KIAA1549L: variants seen among roughly 807,000 people sequenced by gnomAD.
The protein encoded by KIAA1549L is UPF0606 protein KIAA1549L.
Under a neutral mutation model 160.7 loss-of-function variants are expected in KIAA1549L, and 88 were observed. The ratio of observed to expected loss-of-function variants is 0.55; its 90% CI spans 0.46 to 0.65. The LOEUF (loss-of-function observed/expected upper bound fraction) is 0.65, where lower values mean the gene tolerates loss of function less well. Among genes scored for constraint, KIAA1549L ranks in the 30% least tolerant of loss-of-function variants. KIAA1549L has a pLI of 0.00. For synonymous variants in KIAA1549L, 950 were observed against 976.7 expected (o/e 0.97, Z 0.51); for missense variants, 2,258 against 2,437.5 (o/e 0.93, Z 1.55).
Position 33,522,900 on chromosome 11 carries a change from CA to C in KIAA1549L, c.239-18889del, listed in dbSNP as rs56199693. Reference sequence around the variant, plus strand: ...GGTGACAAAGTGAGATTCTCTCTCTCAAAAAAAAAAAAATATGGTCTTTACA... The same window carrying C: ...GGTGACAAAGTGAGATTCTCTCTCTCAAAAAAAAAAAATATGGTCTTTACA... On this transcript the variant is annotated intron_variant, in intron 1 of 20. Coordinates refer to ENST00000658780, the MANE Select transcript of KIAA1549L (RefSeq NM_012194.3). 4.1e-3 allele frequency among the ~76,000 whole-genome samples: 608 copies of C among 147,174 alleles called. 7 individuals carry two copies. Among genetic ancestry groups the C allele is most frequent in the African/African-American group, 0.011 (451 of 40,158 alleles).
chr11:33,606,581 C>A, intron 13 of KIAA1549L, 60 bp from the exon 14 acceptor site: 1 of 1,529,286 alleles, frequency 6.5e-7, no homozygotes, highest in Non-Finnish European at 9.0e-7. Flanking sequence ...AACATAAATT[C>A]TCCTGGGATC....
At chr11:33,407,987 A>G (rs1193793782) in intron 1 of KIAA1549L, among the ~76,000 whole-genome samples, 3 of 152,162 alleles carry the variant, frequency 2.0e-5, no homozygotes, top group Admixed American at 6.5e-5. Flanking sequence ...TCCAAGCCCA[A>G]GAAGCTCATC....
intron 1 of KIAA1549L, among the ~76,000 whole-genome samples, chr11:33,391,351 T>G (rs1173485678): frequency 6.6e-6 from 1 of 152,082 alleles, no homozygotes; most frequent in African/African-American, 2.4e-5. Flanking sequence ...GCTGTCATCA[T>G]GTCATCATGT....
chr11:33,381,468 A>G (rs1418691094), intron 1 of KIAA1549L, among the ~76,000 whole-genome samples: 2 of 152,178 alleles, frequency 1.3e-5, no homozygotes, highest in East Asian at 3.9e-4. Flanking sequence ...TTGTTTGAGG[A>G]AGAGCAGGAA....
chr11:33,598,845 G>C lies in KIAA1549L; in HGVS notation c.4777G>C (p.Val1593Leu). The change falls in exon 13 of 21, where the codon GTC becomes CTC. Residue 1593 changes from valine (V) to leucine (L), a missense_variant. By Grantham distance (32) the Val-to-Leu change is conservative (BLOSUM62 1). This residue lies in a region of KIAA1549L where 1,359 missense variants were observed against 1,546.6 expected (regional missense o/e 0.88). Coordinates refer to ENST00000658780, the MANE Select transcript of KIAA1549L (RefSeq NM_012194.3). ...CAGGTCGCCCAGTGAGAATGGCTCT[G>C]TCATCAGCAACGAATCAGGGAAGCC... ...KSRSPSENGS[V>L]ISNESGKPSS... is the part of the protein sequence containing the mutation. 6.2e-7 allele frequency: 1 copy of C among 1,613,956 alleles called. No homozygotes were observed. Among genetic ancestry groups the C allele is most frequent in the South Asian group, 1.1e-5 (1 of 91,078 alleles).
intron 10 of KIAA1549L, among the ~76,000 whole-genome samples, chr11:33,582,108 A>C (rs893890051): frequency 1.3e-5 from 2 of 152,232 alleles, no homozygotes; most frequent in African/African-American, 4.8e-5. Context: ...TAAAAGCAGG[A>C]GCAATTAAGT....
At chr11:33,420,079 C>T (rs1850974049) in intron 1 of KIAA1549L, among the ~76,000 whole-genome samples, 1 of 152,048 alleles carries the variant, frequency 6.6e-6, no homozygotes. Context: ...ATAAATTTTA[C>T]AGTATATCAT....
intron 1 of KIAA1549L, among the ~76,000 whole-genome samples, chr11:33,429,534 G>A (rs1296086719): frequency 2.0e-5 from 3 of 152,138 alleles, no homozygotes; most frequent in East Asian, 1.9e-4. Context: ...TTGCCCTCAC[G>A]GCAGCATTTA....
At chr11:33,558,318 A>G (rs1854717260) in intron 6 of KIAA1549L, among the ~76,000 whole-genome samples, 1 of 152,154 alleles carries the variant, frequency 6.6e-6, no homozygotes, top group Admixed American at 6.5e-5. Flanking sequence ...AGGCTCTAAC[A>G]GCTGGGACCC....
At chr11:33,430,007 C>CGCCCT in intron 1 of KIAA1549L, among the ~76,000 whole-genome samples, 1 of 144,128 alleles carries the variant, frequency 6.9e-6, no homozygotes, top group Admixed American at 7.0e-5. Context: ...CTGCTCTGCC[C>CGCCCT]TCCCTTCCTT....
intron 1 of KIAA1549L, among the ~76,000 whole-genome samples, chr11:33,492,460 G>A (rs963919109): frequency 1.4e-4 from 22 of 152,160 alleles, no homozygotes; most frequent in African/African-American, 4.6e-4. Context: ...GTGAAGGGAC[G>A]TGAAGACTAG....
rs1319231862 is a variant in KIAA1549L at position 33,673,030 on chromosome 11, A to C, written c.*4876A>C. 1 of 152,260 alleles carries C rather than the reference A, an allele frequency of 6.6e-6. No individual in the cohort carries two copies. The highest frequency in any genetic ancestry group is 6.5e-5 in the Admixed American group (1 of 15,282). The allele number at this position is 152,260 out of a possible 1,614,324, so 9.4% of individuals were successfully genotyped here. ...TAATAACTTAGTGTCCTGAGAATTGAAAGGCCTCTTGATTTCTTAGGTGAA... is the reference window on the plus strand; with the variant it reads ...TAATAACTTAGTGTCCTGAGAATTGCAAGGCCTCTTGATTTCTTAGGTGAA... On this transcript the variant is annotated 3_prime_UTR_variant, in exon 21 of 21. Transcript: ENST00000658780.
chr11:33,555,745 C>T (rs895773241), intron 6 of KIAA1549L, among the ~76,000 whole-genome samples: 3 of 152,094 alleles, frequency 2.0e-5, no homozygotes, highest in South Asian at 4.1e-4. Context: ...TCATGACACA[C>T]AGTATTTGGC....
intron 1 of KIAA1549L, among the ~76,000 whole-genome samples, chr11:33,416,183 C>T (rs528459971): frequency 3.3e-5 from 5 of 152,252 alleles, no homozygotes; most frequent in East Asian, 1.9e-4. Context: ...TGTGTCACCG[C>T]CTTCTTGGGC....
chr11:33,541,738 A>G (rs1008363915), intron 1 of KIAA1549L, 64 bp from the exon 2 acceptor site: 16 of 212,622 alleles, frequency 7.5e-5, no homozygotes, highest in African/African-American at 3.6e-4. Context: ...TGTCTCCAGC[A>G]CCTGACCACA....
chr11:33,408,489 G>GTGTATATATATATATATATATATATA (rs34208718), intron 1 of KIAA1549L, among the ~76,000 whole-genome samples: 16 of 123,060 alleles, frequency 1.3e-4, no homozygotes, highest in East Asian at 1.0e-3. Flanking sequence ...CTGTATATGT[G>GTGTATATATATATATATATATATATA]TATATATATA....
At chr11:33,452,109 TAAAC>T (rs1278781059) in intron 1 of KIAA1549L, among the ~76,000 whole-genome samples, 2 of 152,238 alleles carry the variant, frequency 1.3e-5, no homozygotes, top group South Asian at 4.2e-4. Context: ...TTAAAAGAAT[TAAAC>T]AACCCCCTCC....
chr11:33,547,797 G>T lies in KIAA1549L; in HGVS notation c.3419G>T (p.Ser1140Ile). Residue 1140 changes from serine (S) to isoleucine (I), a missense_variant, in exon 4 of 21, where the codon AGT (serine) becomes ATT (isoleucine). Ser to Ile is a moderately radical substitution (Grantham distance 142). This residue lies in a region of KIAA1549L where 1,359 missense variants were observed against 1,546.6 expected (regional missense o/e 0.88). Transcript: ENST00000658780. ...LFLTQRRVQI[S>I]ESLKFSIAKG... The stretch of plus-strand genomic sequence containing the variant: ...CTCACCCAAAGGAGAGTGCAGATCA[G>T]TGAATCCTTGAAGTTCAGTATCGCC... 1 of 1,613,544 alleles carries T rather than the reference G, an allele frequency of 6.2e-7. No individual in the cohort carries two copies. Among genetic ancestry groups the T allele is most frequent in the Non-Finnish European group, 8.5e-7 (1 of 1,179,632 alleles).
chr11:33,603,337 T>C (rs1462715716), intron 13 of KIAA1549L, among the ~76,000 whole-genome samples: 1 of 150,654 alleles, frequency 6.6e-6, no homozygotes, highest in Admixed American at 6.7e-5. Flanking sequence ...GTGAAGAAAA[T>C]AGAACAGGGT....
Sources: gnomAD v4.1 joint callset for allele counts (sites outside exome capture counted in the v4.1 genomes callset) on GRCh38, gnomAD v4.1.1 for gene constraint, gnomAD v4.1.1 regional missense constraint, MANE v1.5 for transcripts, NCBI Gene and HGNC (gene_info 2026-07-23, HGNC 2026-07-21) for gene names.